Variants in CYP2A13 observed in about 807,000 individuals in gnomAD.
The protein encoded by CYP2A13 is cytochrome P450 2A13.
CYP2A13 carries 30 observed loss-of-function variants against 39.4 expected under a neutral mutation model. The observed-to-expected ratio is 0.76, with a 90% CI of 0.57 to 1.03. The LOEUF is 1.03. Among genes scored for constraint, CYP2A13 ranks in the 50% least tolerant of loss-of-function variants. The pLI is 0.00. For missense variants in CYP2A13, 731 were observed against 648.4 expected (o/e 1.13, Z -1.38); for synonymous variants, 269 against 254.7 (o/e 1.06, Z -0.54).
chr19:41,089,188 T>A (rs770140397), intron 2 of CYP2A13, 97 bp downstream of exon 2: 76 of 1,564,048 alleles, frequency 4.9e-5, no homozygotes, highest in Non-Finnish European at 6.2e-5. Flanking sequence ...CTGGAGGCTA[T>A]GGCAGAGCCC....
chr19:41,092,095 C>A (rs2144726137), intron 5 of CYP2A13, among the ~76,000 whole-genome samples, 187 bp downstream of exon 5: 1 of 152,108 alleles, frequency 6.6e-6, no homozygotes. Flanking sequence ...GCAGGTGGAT[C>A]ACCTGAGGTC....
Position 41,094,231 on chromosome 19 carries a change from C to T in CYP2A13, c.974-14C>T. The T allele has an allele frequency of 6.2e-7, 1 of 1,613,352 alleles. No homozygotes were observed. Among genetic ancestry groups the T allele is most frequent in the Non-Finnish European group, 8.5e-7 (1 of 1,179,524 alleles). On this transcript the variant is annotated splice_polypyrimidine_tract_variant and intron_variant, in intron 6 of 8. Coordinates refer to ENST00000330436, the MANE Select transcript of CYP2A13 (RefSeq NM_000766.5). ...GACCCCTAGACACCTAAACACATTC[C>T]CCTCCTCCCCCAGCCAAGGTCCATG...
Position 41,090,047 on chromosome 19 carries a change from GC to G in CYP2A13, c.345del (p.Val116TrpfsTer20). 1 of 1,612,158 alleles carries G rather than the reference GC, an allele frequency of 6.2e-7. No individual in the cohort carries two copies. The highest frequency in any genetic ancestry group is 8.5e-7 in the Non-Finnish European group (1 of 1,179,474). ...TCCACCCCCGCGTTCACCTCCCCAGGCGTGGCGTTCAGCAACGGGGAGCGCG... is the reference window on the plus strand; with the variant it reads ...TCCACCCCCGCGTTCACCTCCCCAGGGTGGCGTTCAGCAACGGGGAGCGCG... Reference protein sequence around the residue: ...ATFDWLFKGYGVAFSNGERAK... With the variant: ...ATFDWLFKGYXVAFSNGERAK... On this transcript the variant is annotated frameshift_variant and splice_region_variant, in exon 3 of 9. Transcript: ENST00000330436. LOFTEE classifies it high-confidence loss of function.
intron 4 of CYP2A13, among the ~76,000 whole-genome samples, chr19:41,090,932 C>A (rs901479997): frequency 2.0e-5 from 3 of 152,206 alleles, no homozygotes; most frequent in Non-Finnish European, 4.4e-5. Context: ...CTGCGTCAAC[C>A]CGCCTCCTGC....
rs776754469 is a variant in CYP2A13, at chr19:41,091,764, C to G, written c.687C>G (p.His229Gln). 6 of 1,614,024 alleles carry G rather than the reference C, an allele frequency of 3.7e-6. No homozygotes were observed. In the South Asian group the frequency reaches 6.6e-5, roughly 18 times the overall value. ...LYEMFSSVMKHLPGPQQQAFK... is the reference protein window; with the variant it reads ...LYEMFSSVMKQLPGPQQQAFK... ...AGATGTTCTCTTCGGTGATGAAACA[C>G]CTGCCAGGACCACAGCAACAGGCCT... The change falls in exon 5 of 9, where the codon CAC (histidine) becomes CAG (glutamine). Residue 229 changes from histidine (H) to glutamine (Q), a missense_variant. Physicochemically the swap from His to Gln is conservative, Grantham distance 24. Transcript: ENST00000330436.
chr19:41,096,137 AG>A lies in CYP2A13; in HGVS notation c.*199del, dbSNP rs1261154710. ...GTCCTTCAGAGCTGTGATGAGAGGAAGGGAAACCTTACAGTATGCTACAAAG... is the reference window on the plus strand; with the variant it reads ...GTCCTTCAGAGCTGTGATGAGAGGAAGGAAACCTTACAGTATGCTACAAAG... On this transcript the variant is annotated 3_prime_UTR_variant, in exon 9 of 9. Coordinates refer to ENST00000330436, the MANE Select transcript of CYP2A13 (RefSeq NM_000766.5). 2 of 777,228 alleles carry A rather than the reference AG, an allele frequency of 2.6e-6. No individual in the cohort carries two copies. Among genetic ancestry groups the A allele is most frequent in the Non-Finnish European group, 4.1e-6 (2 of 486,250 alleles). The allele number at this position is 777,228 out of a possible 1,614,324, so 48.1% of individuals were successfully genotyped here.
chr19:41,090,349 C>T (rs2031160092), intron 3 of CYP2A13, 55 bp from the exon 4 acceptor site: 2 of 1,611,992 alleles, frequency 1.2e-6, no homozygotes. Flanking sequence ...TCTGACTCTC[C>T]TCAGACCTCT....
In CYP2A13 at chr19:41,090,198, TGAGTAGG is replaced by T. The variant is rs2031156080; in HGVS notation, c.493+4_493+10del. ...TCGACGCCCTCCGGGGCACGCACGGTGAGTAGGGGACCCCGAGTGCGAGGGCGGGAAC... is the reference window on the plus strand; with the variant it reads ...TCGACGCCCTCCGGGGCACGCACGGTGGACCCCGAGTGCGAGGGCGGGAAC... On this transcript the variant is annotated splice_donor_5th_base_variant and intron_variant, in intron 3 of 8. Coordinates refer to ENST00000330436, the MANE Select transcript of CYP2A13 (RefSeq NM_000766.5). The T allele has an allele frequency of 6.4e-7, 1 of 1,570,898 alleles. No homozygotes were observed. The highest frequency in any genetic ancestry group is 1.8e-5 in the Admixed American group (1 of 55,854).
rs548450133 is a variant in CYP2A13, at chr19:41,091,338, G to A, written c.655-394G>A. On this transcript the variant is annotated intron_variant, in intron 4 of 8. Coordinates refer to ENST00000330436, the MANE Select transcript of CYP2A13 (RefSeq NM_000766.5). The stretch of plus-strand genomic sequence containing the variant: ...TATCTGGACAGCTGTCTCCAACCAA[G>A]TCCACTTGAATGCCTAAATACCTAG... Among the ~76,000 whole-genome samples the A allele has an allele frequency of 1.7e-4, 26 of 152,202 alleles. No homozygotes were observed. The South Asian group carries it at 4.8e-3, about 28-fold the overall frequency.
chr19:41,094,160 G>T (rs1175386005), intron 6 of CYP2A13, 85 bp from the exon 7 acceptor site: 59 of 1,560,326 alleles, frequency 3.8e-5, no homozygotes, highest in Non-Finnish European at 4.5e-5. Flanking sequence ...GTGGAGCTAT[G>T]TCAACCACCG....
In CYP2A13 at chr19:41,093,647, C is replaced by A; in HGVS notation, c.849C>A (p.Asn283Lys). ...CCCTGCAGGAGGAGAAGAACCCCAA[C>A]ACAGAGTTCTACTTGAAGAACCTGG... ...IRMQEEEKNP[N>K]TEFYLKNLVM... is the part of the protein sequence containing the mutation. The change falls in exon 6 of 9, where the codon AAC becomes AAA. Residue 283 changes from asparagine (N) to lysine (K), a missense_variant. By Grantham distance (94) the Asn-to-Lys change is moderately conservative. Transcript: ENST00000330436. 30 of 1,614,192 alleles carry A rather than the reference C, an allele frequency of 1.9e-5. No homozygotes were observed. The highest frequency in any genetic ancestry group is 2.5e-5 in the Non-Finnish European group (30 of 1,180,022).
chr19:41,094,482 C>G, intron 7 of CYP2A13, 50 bp downstream of exon 7: 1 of 1,603,140 alleles, frequency 6.2e-7, no homozygotes, highest in Non-Finnish European at 8.5e-7. Context: ...GACTTCCAGC[C>G]TCTCTCTGTG....
In CYP2A13 at chr19:41,090,106, C is replaced by G; in HGVS notation, c.403C>G (p.Leu135Val). 2 of 1,612,060 alleles carry G rather than the reference C, an allele frequency of 1.2e-6. No individual in the cohort carries two copies. Among genetic ancestry groups the G allele is most frequent in the Non-Finnish European group, 1.7e-6 (2 of 1,179,096 alleles). Residue 135 changes from leucine to valine, a missense_variant, in exon 3 of 9, where the codon CTA becomes GTA. Transcript: ENST00000330436. Reference sequence around the variant, plus strand: ...GCTCCGGCGCTTCTCCATCGCCACCCTAAGGGGTTTTGGCGTGGGCAAGCG... The same window carrying G: ...GCTCCGGCGCTTCTCCATCGCCACCGTAAGGGGTTTTGGCGTGGGCAAGCG... ...KQLRRFSIAT[L>V]RGFGVGKRGI...
At position 41,094,998 on chromosome 19, in the gene CYP2A13, G is replaced by C. The variant is rs770204411; in HGVS notation, c.1201G>C (p.Asp401His). The change falls in exon 8 of 9, where the codon GAC (aspartate) becomes CAC (histidine). Residue 401 changes from aspartate to histidine, a missense_variant. Transcript: ENST00000330436. ...VFPMLGSVLRDPRFFSNPRDF... is the reference protein window; with the variant it reads ...VFPMLGSVLRHPRFFSNPRDF... ...CCCTATGCTGGGCTCCGTGCTGAGAGACCCCAGGTTCTTCTCCAACCCCCG... is the reference window on the plus strand; with the variant it reads ...CCCTATGCTGGGCTCCGTGCTGAGACACCCCAGGTTCTTCTCCAACCCCCG... 3.1e-6 allele frequency: 5 copies of C among 1,613,978 alleles called. No individual in the cohort carries two copies. Among genetic ancestry groups the C allele is most frequent in the Non-Finnish European group, 4.2e-6 (5 of 1,180,014 alleles).
chr19:41,090,475 G>A lies in CYP2A13; in HGVS notation c.565G>A (p.Asp189Asn), dbSNP rs1267396173. The A allele has an allele frequency of 6.2e-7, 1 of 1,614,160 alleles. No homozygotes were observed. The highest frequency in any genetic ancestry group is 1.1e-5 in the South Asian group (1 of 91,082). ...SNVISSIVFG[D>N]RFDYEDKEFL... is the part of the protein sequence containing the mutation. Reference sequence around the variant, plus strand: ...TGTCATCAGCTCCATTGTCTTTGGGGACCGCTTTGACTATGAGGACAAAGA... The same window carrying A: ...TGTCATCAGCTCCATTGTCTTTGGGAACCGCTTTGACTATGAGGACAAAGA... The change falls in exon 4 of 9, where the codon GAC becomes AAC. Residue 189 changes from aspartate to asparagine, a missense_variant. Transcript: ENST00000330436.
At chr19:41,089,839 TCTCTCTCTCTCTCTCTCTCTCTCTCTC>T (rs1275106402) in intron 2 of CYP2A13, among the ~76,000 whole-genome samples, 181 bp from the exon 3 acceptor site, 1,551 of 131,260 alleles carry the variant, frequency 0.012, 118 homozygotes, top group Admixed American at 0.071. Flanking sequence ...TCTCTCTCTC[TCTCTCTCTCTCTCTCTCTCTCTCTCTC>T]TCTCTCGTGC....
intron 4 of CYP2A13, 29 bp downstream of exon 4, chr19:41,090,593 C>T: frequency 2.5e-6 from 4 of 1,613,832 alleles, no homozygotes; most frequent in Non-Finnish European, 3.4e-6. Flanking sequence ...CCAGTGACGC[C>T]CCTACCACAA....
intron 1 of CYP2A13, 32 bp from the exon 2 acceptor site, chr19:41,088,897 T>G: frequency 1.2e-6 from 2 of 1,611,958 alleles, no homozygotes; most frequent in Non-Finnish European, 1.7e-6. Flanking sequence ...TGGGGGCTGC[T>G]CCCTCTAACC....
Position 41,094,391 on chromosome 19 carries a change from G to A in CYP2A13, c.1120G>A (p.Val374Ile), listed in dbSNP as rs373911271. The A allele has an allele frequency of 1.9e-6, 3 of 1,614,072 alleles. No individual in the cohort carries two copies. Among genetic ancestry groups the A allele is most frequent in the Non-Finnish European group, 1.7e-6 (2 of 1,180,018 alleles). The change falls in exon 7 of 9, where the codon GTC (valine) becomes ATC (isoleucine). Residue 374 changes from valine to isoleucine, a missense_variant. Coordinates refer to ENST00000330436, the MANE Select transcript of CYP2A13 (RefSeq NM_000766.5). Reference sequence around the variant, plus strand: ...GCTCCCCATGGGTTTGGCCCACAGGGTCAACAAGGACACCAAGTTTCGGGA... The same window carrying A: ...GCTCCCCATGGGTTTGGCCCACAGGATCAACAAGGACACCAAGTTTCGGGA... ...DMLPMGLAHR[V>I]NKDTKFRDFF...
Sources: gnomAD v4.1 joint callset for allele counts (sites outside exome capture counted in the v4.1 genomes callset) on GRCh38, gnomAD v4.1.1 for gene constraint, MANE v1.5 for transcripts, NCBI Gene and HGNC (gene_info 2026-07-23, HGNC 2026-07-21) for gene names.